Variants in MACROD2 observed in about 807,000 individuals in gnomAD.
MACROD2 encodes ADP-ribose glycohydrolase MACROD2.
Under a neutral mutation model 70.4 loss-of-function variants are expected in MACROD2, and 36 were observed. The observed-to-expected ratio is 0.51, with a 90% CI of 0.39 to 0.68. The LOEUF is 0.68. Among genes scored for constraint, MACROD2 ranks in the 30% least tolerant of loss-of-function variants. The probability of loss-of-function intolerance (pLI) is 0.00; values close to 1 mark genes in which losing one functional copy is unlikely to be tolerated. For synonymous variants in MACROD2, 172 were observed against 178.8 expected, an observed-to-expected ratio of 0.96 and a Z score of 0.30; for missense variants, 496 against 538.4, an observed-to-expected ratio of 0.92 and a Z score of 0.78.
chr20:14,526,748 G>T (rs1257080266), intron 4 of MACROD2, among the ~76,000 whole-genome samples: 2 of 152,210 alleles, frequency 1.3e-5, no homozygotes, highest in Non-Finnish European at 2.9e-5. Flanking sequence ...GAAACCTCTA[G>T]GGGAGCATAC....
At chr20:15,155,179 G>A (rs1021164011) in intron 5 of MACROD2, among the ~76,000 whole-genome samples, 87 of 152,294 alleles carry the variant, frequency 5.7e-4, no homozygotes, top group African/African-American at 2.0e-3. Flanking sequence ...TCTATTCATG[G>A]TAGATAATCA....
At chr20:14,051,033 T>C (rs1215735314) in intron 2 of MACROD2, among the ~76,000 whole-genome samples, 1 of 152,176 alleles carries the variant, frequency 6.6e-6, no homozygotes, top group African/African-American at 2.4e-5. Flanking sequence ...TGAAATATAC[T>C]TGTGAAAAGA....
At chr20:14,756,932 C>G (rs1439635190) in intron 5 of MACROD2, among the ~76,000 whole-genome samples, 1 of 152,066 alleles carries the variant, frequency 6.6e-6, no homozygotes, top group East Asian at 1.9e-4. Context: ...TCATTCTTCT[C>G]TCTCCTGCCA....
intron 3 of MACROD2, among the ~76,000 whole-genome samples, chr20:14,092,156 G>A (rs1408354746): frequency 6.6e-6 from 1 of 151,994 alleles, no homozygotes; most frequent in African/African-American, 2.4e-5. Context: ...TGTGTTAATA[G>A]CTAATCATGT....
intron 6 of MACROD2, among the ~76,000 whole-genome samples, chr20:15,259,668 A>G (rs2146042143): frequency 6.6e-6 from 1 of 152,196 alleles, no homozygotes; most frequent in South Asian, 2.1e-4. Flanking sequence ...GACAGAGATG[A>G]TTTTAATGCA....
chr20:15,374,262 TC>T (rs1216836007), intron 6 of MACROD2, among the ~76,000 whole-genome samples: 4 of 151,734 alleles, frequency 2.6e-5, no homozygotes, highest in Non-Finnish European at 5.9e-5. Context: ...TATAATACAA[TC>T]CCTTATATAT....
chr20:15,197,571 A>T (rs573493533), intron 5 of MACROD2, among the ~76,000 whole-genome samples: 1 of 152,302 alleles, frequency 6.6e-6, no homozygotes, highest in Non-Finnish European at 1.5e-5. Context: ...AATTTTACAG[A>T]GTTTAGATTT....
intron 5 of MACROD2, among the ~76,000 whole-genome samples, chr20:15,175,814 A>T (rs1174371915): frequency 6.6e-6 from 1 of 152,220 alleles, no homozygotes; most frequent in Non-Finnish European, 1.5e-5. Context: ...TGTGTGCTCC[A>T]TAGAGCCAGT....
intron 8 of MACROD2, among the ~76,000 whole-genome samples, chr20:15,862,343 C>A (rs1601011668): frequency 6.6e-6 from 1 of 152,152 alleles, no homozygotes; most frequent in Admixed American, 6.6e-5. Flanking sequence ...GGACAATGAG[C>A]TCTTTGTTTA....
chr20:14,288,914 TAAG>T (rs1005273768), intron 3 of MACROD2, among the ~76,000 whole-genome samples: 2 of 152,140 alleles, frequency 1.3e-5, no homozygotes, highest in African/African-American at 4.8e-5. Context: ...AATTCTGTCC[TAAG>T]GAGAAACAGA....
chr20:15,483,611 C>CA (rs1454621696), intron 7 of MACROD2, among the ~76,000 whole-genome samples: 1 of 152,096 alleles, frequency 6.6e-6, no homozygotes, highest in Admixed American at 6.6e-5. Flanking sequence ...GTTGGGATTG[C>CA]ATTGAAAATA....
chr20:14,944,936 C>A (rs1311564077), intron 5 of MACROD2, among the ~76,000 whole-genome samples: 9 of 152,096 alleles, frequency 5.9e-5, no homozygotes, highest in Non-Finnish European at 8.8e-5. Context: ...TTTGTGGAAA[C>A]GCCAATTCCT....
At chr20:15,703,444 G>A (rs1281630510) in intron 8 of MACROD2, among the ~76,000 whole-genome samples, 16 of 152,064 alleles carry the variant, frequency 1.1e-4, no homozygotes, top group Admixed American at 7.2e-4. Flanking sequence ...CAGAACCCTG[G>A]AGGTATCTTA....
At chr20:15,811,289 A>G (rs934153671) in intron 8 of MACROD2, among the ~76,000 whole-genome samples, 2 of 151,768 alleles carry the variant, frequency 1.3e-5, no homozygotes, top group East Asian at 3.9e-4. Flanking sequence ...ATATGAACAG[A>G]CACTTCTCAA....
intron 8 of MACROD2, among the ~76,000 whole-genome samples, chr20:15,760,741 G>A (rs2051424546): frequency 6.6e-6 from 1 of 152,180 alleles, no homozygotes; most frequent in Admixed American, 6.5e-5. Flanking sequence ...CTGTTTTTCA[G>A]CTCATATTTC....
At chr20:14,680,996 C>T (rs2070925421) in intron 4 of MACROD2, among the ~76,000 whole-genome samples, 1 of 152,112 alleles carries the variant, frequency 6.6e-6, no homozygotes, top group Non-Finnish European at 1.5e-5. Context: ...TGAGCAGATA[C>T]TTCCAAAAAT....
At chr20:14,660,424 A>G (rs1340915675) in intron 4 of MACROD2, among the ~76,000 whole-genome samples, 13 of 152,204 alleles carry the variant, frequency 8.5e-5, no homozygotes, top group Admixed American at 8.5e-4. Flanking sequence ...ATATTTTCCT[A>G]AAGAACTTTA....
chr20:15,817,433 C>A (rs542109537), intron 8 of MACROD2, among the ~76,000 whole-genome samples: 4 of 152,152 alleles, frequency 2.6e-5, no homozygotes, highest in African/African-American at 9.7e-5. Context: ...TTCTTCAGAG[C>A]AGATTTTGTA....
rs146111377 is a variant in MACROD2 at position 14,152,723 on chromosome 20, G to A, written c.271+66995G>A. Among the ~76,000 whole-genome samples, 16 of 152,144 alleles carry A rather than the reference G, an allele frequency of 1.1e-4. No homozygotes were observed. The East Asian group carries it at 1.5e-3, about 15-fold the overall frequency. ...ATTACAGGCATGAGCCATCGTGCCC[G>A]GCCTCCTCTACAATTTTATTTTAGT... is the stretch of plus-strand genomic sequence containing the variant. On this transcript the variant is annotated intron_variant, in intron 3 of 17. Coordinates refer to ENST00000684519, the MANE Select transcript of MACROD2 (RefSeq NM_001351661.2).
Sources: allele counts gnomAD v4.1 joint callset (sites outside exome capture counted in the v4.1 genomes callset), GRCh38; gene constraint gnomAD v4.1.1; transcripts MANE v1.5; gene names NCBI Gene and HGNC (gene_info 2026-07-23, HGNC 2026-07-21).